ACTN1: variants seen among roughly 807,000 people sequenced by gnomAD.
ACTN1 encodes alpha-actinin-1.
In ACTN1, 30 loss-of-function variants were observed where a neutral mutation model predicts 119.6. That is an observed-to-expected ratio of 0.25 (90% confidence interval 0.19 to 0.34). ACTN1 has a LOEUF of 0.34. Ranked by LOEUF, ACTN1 falls within the 10% of genes least tolerant of loss-of-function variation. The pLI is 1.00. For missense variants in ACTN1, 764 were observed against 1,223.4 expected, an observed-to-expected ratio of 0.62 and a Z score of 5.60; for synonymous variants, 429 against 472.6, an observed-to-expected ratio of 0.91 and a Z score of 1.20.
chr14:68,884,811 C>G lies in ACTN1; in HGVS notation c.1458G>C (p.Leu486=), dbSNP rs1429240094. 4 of 1,614,204 alleles carry G rather than the reference C, an allele frequency of 2.5e-6. No individual in the cohort carries two copies. The highest frequency in any genetic ancestry group is 3.4e-6 in the Non-Finnish European group (4 of 1,180,014). Residue 486 remains leucine (L), a synonymous_variant, in exon 13 of 22, where the codon CTG becomes CTC. Coordinates refer to ENST00000394419, the MANE Select transcript of ACTN1 (RefSeq NM_001130004.2). ...CQKICDQWDN[L]GALTQKRREA... is the part of the protein sequence containing the mutation. ...CCCTTCGCTTCTGAGTTAGGGCCCC[C>G]AGATTGTCCCACTGGTCACAGATCT... is the stretch of plus-strand genomic sequence containing the variant.
intron 1 of ACTN1, among the ~76,000 whole-genome samples, chr14:68,952,325 C>T (rs2268976): frequency 0.43 from 64,733 of 152,156 alleles, 14,690 homozygotes; most frequent in East Asian, 0.75. Flanking sequence ...ACCCGGGACC[C>T]TGCGGGCTGC....
chr14:68,894,433 C>A (rs2032728795), intron 8 of ACTN1, among the ~76,000 whole-genome samples: 1 of 152,130 alleles, frequency 6.6e-6, no homozygotes, highest in Non-Finnish European at 1.5e-5. Flanking sequence ...TAGCAGGGAC[C>A]CAAGATGGCC....
In ACTN1 at chr14:68,879,132, G is replaced by A; in HGVS notation, c.2281-63C>T. On this transcript the variant is annotated intron_variant, in intron 18 of 21. Coordinates refer to ENST00000394419, the MANE Select transcript of ACTN1 (RefSeq NM_001130004.2). The surrounding 1 kb of genome is among the most constrained non-coding windows in gnomAD (Gnocchi z 4.9). ...GTCAGGGAGGTGGAGCCGTGAGGGGGGCATGCCCCGGGGGAGGGTGGCGTG... is the reference window on the plus strand; with the variant it reads ...GTCAGGGAGGTGGAGCCGTGAGGGGAGCATGCCCCGGGGGAGGGTGGCGTG... 6.5e-7 allele frequency: 1 copy of A among 1,528,126 alleles called. No individual in the cohort carries two copies. The highest frequency in any genetic ancestry group is 1.9e-5 in the Admixed American group (1 of 53,806). The allele number at this position is 1,528,126 out of a possible 1,614,324, so 94.7% of individuals were successfully genotyped here.
At position 68,879,260 on chromosome 14, in the gene ACTN1, G is replaced by A. The variant is rs1251542258; in HGVS notation, c.2281-191C>T. On this transcript the variant is annotated intron_variant, in intron 18 of 21. Coordinates refer to ENST00000394419, the MANE Select transcript of ACTN1 (RefSeq NM_001130004.2). This position sits in a 1 kb window ranked among gnomAD's most constrained non-coding sequence, Gnocchi z 4.9. ...TTAGACACACCAACGAGGCTCCAGGGGGTGCCCTCCCCCCAGCACACGCAG... is the reference window on the plus strand; with the variant it reads ...TTAGACACACCAACGAGGCTCCAGGAGGTGCCCTCCCCCCAGCACACGCAG... Among the ~76,000 whole-genome samples, 1 of 151,926 alleles carries A rather than the reference G, an allele frequency of 6.6e-6. No homozygotes were observed. Among genetic ancestry groups the A allele is most frequent in the Non-Finnish European group, 1.5e-5 (1 of 67,928 alleles).
chr14:68,978,652 G>C, intron 1 of ACTN1: 1 of 298,040 alleles, frequency 3.4e-6, no homozygotes, highest in South Asian at 5.2e-5. Context: ...CCCACGCGGG[G>C]ATGGTTGCAA....
intron 3 of ACTN1, among the ~76,000 whole-genome samples, chr14:68,915,506 A>G (rs1228368381): frequency 6.6e-6 from 1 of 152,190 alleles, no homozygotes; most frequent in African/African-American, 2.4e-5. Flanking sequence ...GGGTAAGAAT[A>G]CTTCCTGTTT....
Position 68,878,629 on chromosome 14 carries a change from G to A in ACTN1, c.2362-106C>T. The A allele has an allele frequency of 1.9e-6, 3 of 1,566,776 alleles. No individual in the cohort carries two copies. The highest frequency in any genetic ancestry group is 2.3e-5 in the East Asian group (1 of 42,596). On this transcript the variant is annotated intron_variant, in intron 19 of 21. Transcript: ENST00000394419. This position sits in a 1 kb window ranked among gnomAD's most constrained non-coding sequence, Gnocchi z 4.4. ...AGGAACAGATGGCCAGAACGGGGAT[G>A]AGATTTATGGTTTTGGGGGTCAGGA...
chr14:68,892,290 T>A lies in ACTN1; in HGVS notation c.856-7A>T, dbSNP rs901255558. 5 of 1,606,488 alleles carry A rather than the reference T, an allele frequency of 3.1e-6. No homozygotes were observed. The Admixed American group carries it at 8.4e-5, about 27-fold the overall frequency. On this transcript the variant is annotated splice_polypyrimidine_tract_variant and splice_region_variant and intron_variant, in intron 9 of 21. Coordinates refer to ENST00000394419, the MANE Select transcript of ACTN1 (RefSeq NM_001130004.2). ...GGCGGATCCACTCCAACAGCTAGGG[T>A]GGGAAGGCGGTGGGGGCAGGAGGTG... is the stretch of plus-strand genomic sequence containing the variant.
chr14:68,914,936 G>C (rs981449534), intron 3 of ACTN1, among the ~76,000 whole-genome samples: 2 of 152,280 alleles, frequency 1.3e-5, no homozygotes, highest in African/African-American at 2.4e-5. Flanking sequence ...TGGCCACAAG[G>C]AGCACGCATT....
At chr14:68,910,918 T>G (rs2033970941) in intron 4 of ACTN1, among the ~76,000 whole-genome samples, 3 of 152,340 alleles carry the variant, frequency 2.0e-5, no homozygotes, top group South Asian at 4.1e-4. Flanking sequence ...CTGCAATGAC[T>G]GTGAGGCCTC....
chr14:68,936,313 A>C (rs10130940), intron 1 of ACTN1, among the ~76,000 whole-genome samples: 18,220 of 152,070 alleles, frequency 0.12, 1,593 homozygotes, highest in African/African-American at 0.23. Context: ...AGCAAGCAGA[A>C]TCCTGACGTT....
At chr14:68,950,462 G>GTGTGTGTGTGTGTGTATGTGTA in intron 1 of ACTN1, among the ~76,000 whole-genome samples, 1 of 125,912 alleles carries the variant, frequency 7.9e-6, no homozygotes, top group Non-Finnish European at 1.6e-5. Context: ...ATGCGTGTGT[G>GTGTGTGTGTGTGTGTATGTGTA]TATATATATA....
chr14:68,969,577 G>A (rs1435505962), intron 1 of ACTN1, among the ~76,000 whole-genome samples: 2 of 152,146 alleles, frequency 1.3e-5, no homozygotes, highest in Non-Finnish European at 1.5e-5. Flanking sequence ...ACAACAGAGG[G>A]GCTTCTTGGA....
chr14:68,915,445 G>T (rs2034238418), intron 3 of ACTN1, among the ~76,000 whole-genome samples: 2 of 152,160 alleles, frequency 1.3e-5, no homozygotes, highest in Non-Finnish European at 2.9e-5. Context: ...CCATCTGACA[G>T]GTGTACATGT....
Position 68,909,275 on chromosome 14 carries a change from C to A in ACTN1, c.594+43G>T. 6.3e-7 allele frequency: 1 copy of A among 1,599,380 alleles called. No homozygotes were observed. The highest frequency in any genetic ancestry group is 1.1e-5 in the South Asian group (1 of 90,752). On this transcript the variant is annotated intron_variant, in intron 6 of 21. Transcript: ENST00000394419. This position sits in a 1 kb window ranked among gnomAD's most constrained non-coding sequence, Gnocchi z 4.1. ...CTAGTCCTGCTCTTTTCCCACCCCACCTGCCAGGGACCCAAAGCGGGTGGT... is the reference window on the plus strand; with the variant it reads ...CTAGTCCTGCTCTTTTCCCACCCCAACTGCCAGGGACCCAAAGCGGGTGGT...
intron 1 of ACTN1, among the ~76,000 whole-genome samples, chr14:68,972,280 T>C (rs1463582925): frequency 6.6e-6 from 1 of 152,072 alleles, no homozygotes; most frequent in Non-Finnish European, 1.5e-5. Flanking sequence ...CGCCCTTATC[T>C]TCCTCTTCTA....
chr14:68,933,457 T>C (rs2035330032), intron 1 of ACTN1, among the ~76,000 whole-genome samples: 1 of 152,022 alleles, frequency 6.6e-6, no homozygotes, highest in Non-Finnish European at 1.5e-5. Flanking sequence ...TTCTTATGCA[T>C]TGTTCTTGAA....
intron 1 of ACTN1, chr14:68,978,074 C>A (rs886307112): frequency 6.6e-6 from 3 of 455,414 alleles, no homozygotes; most frequent in East Asian, 7.0e-5. Context: ...GCCCAGCTCC[C>A]GTGGCGGGGC....
chr14:68,932,593 T>C (rs2035276890), intron 1 of ACTN1, among the ~76,000 whole-genome samples: 1 of 147,084 alleles, frequency 6.8e-6, no homozygotes, highest in Non-Finnish European at 1.5e-5. Flanking sequence ...TCTCAAACTT[T>C]GGGCCTCAAG....
Sources: allele counts gnomAD v4.1 joint callset (sites outside exome capture counted in the v4.1 genomes callset), GRCh38; gene constraint gnomAD v4.1.1; non-coding constraint Gnocchi (gnomAD v3.1); transcripts MANE v1.5; gene names NCBI Gene and HGNC (gene_info 2026-07-23, HGNC 2026-07-21).